OTOGL: variants seen among roughly 807,000 people sequenced by gnomAD.
The protein encoded by OTOGL is otogelin like.
A neutral mutation model predicts 318.5 loss-of-function variants in OTOGL; 285 were observed. That is an observed-to-expected ratio of 0.89 (90% CI 0.81 to 0.99). The LOEUF (loss-of-function observed/expected upper bound fraction) is 0.99, where lower values mean the gene tolerates loss of function less well. OTOGL is among the 50% of genes least tolerant of loss of function. The pLI, the probability that OTOGL is intolerant of heterozygous loss-of-function variation, is 0.00. For synonymous variants in OTOGL, 987 were observed against 936.5 expected, an observed-to-expected ratio of 1.05 and a Z score of -0.99; for missense variants, 2,899 against 2,845.6, an observed-to-expected ratio of 1.02 and a Z score of -0.43.
chr12:80,137,739 G>T (rs1433118517), intron 1 of OTOGL, among the ~76,000 whole-genome samples: 1 of 152,154 alleles, frequency 6.6e-6, no homozygotes, highest in Non-Finnish European at 1.5e-5. Flanking sequence ...GTTTATTAGT[G>T]TCATGTTCTG....
rs141210727 is a variant in OTOGL, at chr12:80,239,250, T to C, written c.946-83T>C. 5.3e-5 allele frequency: 60 copies of C among 1,135,870 alleles called. No individual in the cohort carries two copies. The African/African-American group carries it at 9.5e-4, about 18-fold the overall frequency. 70.4% of individuals were successfully genotyped at this position (1,135,870 alleles called of 1,614,324 possible). On this transcript the variant is annotated intron_variant, in intron 10 of 58. Transcript: ENST00000547103. The stretch of plus-strand genomic sequence containing the variant: ...TTTTCCTTGTGAGAACTGAAAATCT[T>C]GCAAATAGATCTGTAAAAATAATAG...
chr12:80,117,797 A>C (rs1221170926), intron 1 of OTOGL, among the ~76,000 whole-genome samples: 1 of 152,182 alleles, frequency 6.6e-6, no homozygotes, highest in Non-Finnish European at 1.5e-5. Flanking sequence ...GTTTCCTTGG[A>C]TACAAGCTTT....
chr12:80,206,597 C>T (rs1269786283), intron 1 of OTOGL, among the ~76,000 whole-genome samples: 1 of 152,082 alleles, frequency 6.6e-6, no homozygotes, highest in Non-Finnish European at 1.5e-5. Context: ...GCAACCTTGA[C>T]CTCCTGGGCT....
rs1064795124 is a variant in OTOGL, at chr12:80,318,664, A to AT, written c.3760dup (p.Tyr1254LeufsTer25). 28 of 1,440,290 alleles carry AT rather than the reference A, an allele frequency of 1.9e-5. No homozygotes were observed. The highest frequency in any genetic ancestry group is 2.6e-5 in the Non-Finnish European group (28 of 1,093,052). The allele number at this position is 1,440,290 out of a possible 1,614,324, so 89.2% of individuals were successfully genotyped here. A position where few individuals can be genotyped will look rare whatever the true frequency, so the allele number is the denominator to read the frequency against. ...CGAGAAGCAGTGTTCATACCAGTTT[A>AT]TTTTTTTATTTTATGATCACTCCAG... is the stretch of plus-strand genomic sequence containing the variant. On this transcript the variant is annotated frameshift_variant, in exon 33 of 59. Transcript: ENST00000547103. LOFTEE classifies it high-confidence loss of function.
At chr12:80,258,690 T>C (rs1452424107) in intron 18 of OTOGL, among the ~76,000 whole-genome samples, 1 of 152,120 alleles carries the variant, frequency 6.6e-6, no homozygotes, top group East Asian at 1.9e-4. Flanking sequence ...CTCATCCTCA[T>C]GGAGCTTTGT....
chr12:80,177,598 G>A lies in OTOGL; in HGVS notation c.-19-31815G>A, dbSNP rs550109716. Among the ~76,000 whole-genome samples the A allele has an allele frequency of 2.6e-5, 4 of 151,986 alleles. No individual in the cohort carries two copies. The South Asian group carries it at 6.3e-4, about 24-fold the overall frequency. On this transcript the variant is annotated intron_variant, in intron 1 of 58. Transcript: ENST00000547103. ...ATGAAAGTTGTTTTGGTGATCTTAT[G>A]TCTTTTGCATTTCTACAAAAAAGCC... is the stretch of plus-strand genomic sequence containing the variant.
chr12:80,234,066 T>C (rs2137409871), intron 9 of OTOGL, among the ~76,000 whole-genome samples: 1 of 152,238 alleles, frequency 6.6e-6, no homozygotes, highest in South Asian at 2.1e-4. Flanking sequence ...TTTTCTTTTC[T>C]TCTGTTCAAG....
At chr12:80,242,672 A>C (rs1880483523) in intron 11 of OTOGL, among the ~76,000 whole-genome samples, 1 of 152,086 alleles carries the variant, frequency 6.6e-6, no homozygotes, top group African/African-American at 2.4e-5. Flanking sequence ...ACATCTTTTG[A>C]GTATCTATTC....
chr12:80,305,843 C>T (rs1329000605), intron 29 of OTOGL, 148 bp downstream of exon 29: 4 of 729,318 alleles, frequency 5.5e-6, no homozygotes, highest in African/African-American at 3.7e-5. Context: ...TTTATCTTCT[C>T]ATGTAATTTT....
chr12:80,253,065 A>C (rs2137506522), intron 13 of OTOGL, among the ~76,000 whole-genome samples: 1 of 152,328 alleles, frequency 6.6e-6, no homozygotes, highest in East Asian at 1.9e-4. Flanking sequence ...TGGACATTTG[A>C]GTAGCAGTAC....
intron 1 of OTOGL, among the ~76,000 whole-genome samples, chr12:80,206,112 T>C (rs540632858): frequency 1.9e-4 from 29 of 152,350 alleles, no homozygotes; most frequent in African/African-American, 6.7e-4. Flanking sequence ...GGCTTACTTT[T>C]TGCCAAAGTT....
chr12:80,143,878 TA>T (rs1271105849), intron 1 of OTOGL, among the ~76,000 whole-genome samples: 1 of 152,138 alleles, frequency 6.6e-6, no homozygotes, highest in Non-Finnish European at 1.5e-5. Context: ...TGTAGTATGC[TA>T]TTCAGGTGTA....
At chr12:80,170,779 A>G (rs2137216369) in intron 1 of OTOGL, among the ~76,000 whole-genome samples, 1 of 152,056 alleles carries the variant, frequency 6.6e-6, no homozygotes, top group East Asian at 1.9e-4. Flanking sequence ...TTTATTTTGT[A>G]TACTCTGTCA....
intron 24 of OTOGL, among the ~76,000 whole-genome samples, chr12:80,277,844 C>T (rs1043132351): frequency 1.3e-4 from 20 of 151,466 alleles, no homozygotes; most frequent in Non-Finnish European, 2.5e-4. Flanking sequence ...ACGGGACTCT[C>T]ATTTCCTCTA....
intron 8 of OTOGL, among the ~76,000 whole-genome samples, chr12:80,230,062 G>A (rs1021329136): frequency 1.3e-5 from 2 of 151,676 alleles, no homozygotes; most frequent in Admixed American, 6.6e-5. Context: ...AATAATTATA[G>A]AGAGACTCAG....
At chr12:80,108,936 G>GTGTGTGTATATATATATATATA (rs1555268621) in intron 1 of OTOGL, among the ~76,000 whole-genome samples, 2 of 128,228 alleles carry the variant, frequency 1.6e-5, no homozygotes, top group African/African-American at 6.4e-5. Flanking sequence ...ATATGTGTGT[G>GTGTGTGTATATATATATATATA]TATATATATA....
intron 7 of OTOGL, among the ~76,000 whole-genome samples, chr12:80,227,840 C>T (rs910705689): frequency 6.6e-6 from 1 of 152,130 alleles, no homozygotes; most frequent in African/African-American, 2.4e-5. Flanking sequence ...TTCAGCAAGG[C>T]CTTCTTTGAC....
At chr12:80,359,979 A>G (rs1890137639) in intron 52 of OTOGL, among the ~76,000 whole-genome samples, 1 of 152,240 alleles carries the variant, frequency 6.6e-6, no homozygotes, top group Non-Finnish European at 1.5e-5. Context: ...GGTTCTAACC[A>G]AGGATTGCTT....
chr12:80,164,622 T>C (rs1289755419), intron 1 of OTOGL, among the ~76,000 whole-genome samples: 4 of 152,176 alleles, frequency 2.6e-5, no homozygotes, highest in Admixed American at 2.6e-4. Flanking sequence ...GCTTTTGATG[T>C]ACCCTGAGTC....
Sources: allele counts gnomAD v4.1 joint callset (sites outside exome capture counted in the v4.1 genomes callset), GRCh38; gene constraint gnomAD v4.1.1; transcripts MANE v1.5; gene names NCBI Gene and HGNC (gene_info 2026-07-23, HGNC 2026-07-21).